Variants in TMEM117 observed in about 807,000 individuals in gnomAD.
TMEM117 encodes the protein transmembrane protein 117.
TMEM117 carries 27 observed loss-of-function variants against 52.4 expected under a neutral mutation model. The observed-to-expected ratio is 0.51, with a 90% CI of 0.38 to 0.71. TMEM117 has a LOEUF of 0.71. Among genes scored for constraint, TMEM117 ranks in the 30% least tolerant of loss-of-function variants. TMEM117 has a pLI of 0.00. For missense variants in TMEM117, 556 were observed against 630.5 expected (o/e 0.88, Z 1.26); for synonymous variants, 215 against 206.3 (o/e 1.04, Z -0.36).
At chr12:43,809,793 T>G in the TMEM117 span, among the ~76,000 whole-genome samples, 2 of 152,166 alleles carry the variant, frequency 1.3e-5, no homozygotes, top group Non-Finnish European at 2.9e-5. Flanking sequence ...TTAAGCAACA[T>G]ACCTTGACTG....
chr12:44,094,420 C>G (rs1397788955), intron 3 of TMEM117, among the ~76,000 whole-genome samples: 1 of 152,046 alleles, frequency 6.6e-6, no homozygotes, highest in East Asian at 1.9e-4. Flanking sequence ...TACCCAGGAG[C>G]TTGCATTTAT....
At chr12:44,378,555 A>G (rs369206060) in intron 7 of TMEM117, among the ~76,000 whole-genome samples, 1 of 152,196 alleles carries the variant, frequency 6.6e-6, no homozygotes, top group African/African-American at 2.4e-5. Context: ...CATGACTTCC[A>G]TTTGAACTAA....
intron 4 of TMEM117, among the ~76,000 whole-genome samples, chr12:44,178,103 C>T (rs1434481428): frequency 2.0e-5 from 3 of 152,124 alleles, no homozygotes; most frequent in Non-Finnish European, 2.9e-5. Context: ...AAGATGCTTC[C>T]GTATCTTGGA....
intron 5 of TMEM117, among the ~76,000 whole-genome samples, chr12:44,287,933 TA>T (rs1278857874): frequency 6.6e-6 from 1 of 152,238 alleles, no homozygotes; most frequent in Non-Finnish European, 1.5e-5. Context: ...TTAATTTGTA[TA>T]AAGACTTTAT....
At chr12:44,096,313 C>G (rs1947761040) in intron 3 of TMEM117, among the ~76,000 whole-genome samples, 2 of 151,992 alleles carry the variant, frequency 1.3e-5, no homozygotes, top group South Asian at 4.2e-4. Flanking sequence ...GATTCAATGC[C>G]ATCCCCATCA....
intron 6 of TMEM117, among the ~76,000 whole-genome samples, chr12:44,375,750 A>G (rs1951932570): frequency 6.6e-6 from 1 of 152,218 alleles, no homozygotes; most frequent in Non-Finnish European, 1.5e-5. Context: ...ACAAGTGAAA[A>G]TGTGTATACT....
At chr12:44,290,529 C>T (rs1950691563) in intron 5 of TMEM117, among the ~76,000 whole-genome samples, 1 of 152,176 alleles carries the variant, frequency 6.6e-6, no homozygotes. Context: ...TTCTGGCTCT[C>T]TGTTCTATTG....
the TMEM117 span, chr12:43,802,476 T>A: frequency 6.3e-7 from 1 of 1,593,428 alleles, no homozygotes; most frequent in East Asian, 2.3e-5. Flanking sequence ...TATGAAAAAT[T>A]ATTTTTAGAA....
chr12:43,977,912 G>T (rs1289574480), intron 3 of TMEM117, among the ~76,000 whole-genome samples: 1 of 152,166 alleles, frequency 6.6e-6, no homozygotes, highest in Admixed American at 6.6e-5. Flanking sequence ...GTGAGAATAG[G>T]TGTCAATGGA....
intron 5 of TMEM117, among the ~76,000 whole-genome samples, chr12:44,279,530 T>TA (rs1255662364): frequency 2.6e-5 from 4 of 151,226 alleles, no homozygotes; most frequent in African/African-American, 9.7e-5. Flanking sequence ...TTTTTTTTTT[T>TA]TGAGATGGAG....
At chr12:44,340,489 C>A (rs913487418) in intron 6 of TMEM117, among the ~76,000 whole-genome samples, 2 of 152,130 alleles carry the variant, frequency 1.3e-5, no homozygotes, top group Non-Finnish European at 2.9e-5. Flanking sequence ...CAGTTCCGTT[C>A]TCAGTAACAT....
intron 3 of TMEM117, among the ~76,000 whole-genome samples, chr12:43,999,339 C>G (rs556126506): frequency 3.9e-4 from 59 of 152,154 alleles, no homozygotes; most frequent in Non-Finnish European, 3.5e-4. Flanking sequence ...TTCTTGTGAC[C>G]ATGAGGCTAA....
intron 2 of TMEM117, among the ~76,000 whole-genome samples, chr12:43,928,093 AC>A (rs1326816199): frequency 6.6e-6 from 1 of 151,760 alleles, no homozygotes; most frequent in East Asian, 1.9e-4. Flanking sequence ...TTTAGTGGCT[AC>A]CCTTGATACT....
rs184558403 is a variant in TMEM117 at position 44,272,938 on chromosome 12, G to A, written c.609-26642G>A. ...CATGCACACGTATGTTTATTGTGGC[G>A]CTATTCACAATAGCAAAGACCTGCA... On this transcript the variant is annotated intron_variant, in intron 5 of 7. Transcript: ENST00000266534. Among the ~76,000 whole-genome samples, 217 of 151,908 alleles carry A rather than the reference G, an allele frequency of 1.4e-3. 3 individuals carry two copies. The South Asian group carries it at 0.039, about 27-fold the overall frequency.
intron 5 of TMEM117, among the ~76,000 whole-genome samples, chr12:44,285,185 G>A (rs1950623965): frequency 6.6e-6 from 1 of 152,058 alleles, no homozygotes; most frequent in South Asian, 2.1e-4. Flanking sequence ...CTCTTTTATG[G>A]CCTGTCAAGA....
At chr12:44,329,043 C>T (rs1951233272) in intron 6 of TMEM117, among the ~76,000 whole-genome samples, 1 of 151,814 alleles carries the variant, frequency 6.6e-6, no homozygotes, top group East Asian at 1.9e-4. Flanking sequence ...GGGAGATGGA[C>T]TATCCCACCA....
At chr12:43,810,049 C>T in the TMEM117 span, among the ~76,000 whole-genome samples, 4 of 152,098 alleles carry the variant, frequency 2.6e-5, no homozygotes, top group African/African-American at 4.8e-5. Flanking sequence ...ATAAATGATA[C>T]GTACTTTCCA....
intron 4 of TMEM117, among the ~76,000 whole-genome samples, chr12:44,161,064 T>A (rs941197439): frequency 2.0e-5 from 3 of 152,174 alleles, no homozygotes; most frequent in Admixed American, 1.3e-4. Context: ...AATCATGAAG[T>A]GCAGTGAGCA....
rs557947774 is a variant in TMEM117, at chr12:44,073,206, T to A, written c.411-70319T>A. On this transcript the variant is annotated intron_variant, in intron 3 of 7. Coordinates refer to ENST00000266534, the MANE Select transcript of TMEM117 (RefSeq NM_032256.3). ...AGCTTTTAAAACATTAATAAGTAGA[T>A]CATTTTTGAACACTTATTGTGCCTA... 1.3e-5 allele frequency among the ~76,000 whole-genome samples: 2 copies of A among 152,326 alleles called. 1 individual carries two copies. The highest frequency in any genetic ancestry group is 4.1e-4 in the South Asian group (2 of 4,830).
Sources: allele counts gnomAD v4.1 joint callset (sites outside exome capture counted in the v4.1 genomes callset), GRCh38; gene constraint gnomAD v4.1.1; transcripts MANE v1.5; gene names NCBI Gene and HGNC (gene_info 2026-07-23, HGNC 2026-07-21).